The following DLGAP2 variants were observed in gnomAD, a reference collection of about 807,000 sequenced individuals.
The protein encoded by DLGAP2 is disks large-associated protein 2.
DLGAP2 carries 26 observed loss-of-function variants against 100.3 expected under a neutral mutation model. The observed-to-expected ratio is 0.26, with a 90% CI of 0.19 to 0.36. The LOEUF is 0.36. DLGAP2 is among the 10% of genes least tolerant of loss of function. The probability of loss-of-function intolerance (pLI) is 1.00; values close to 1 mark genes in which losing one functional copy is unlikely to be tolerated. For missense variants in DLGAP2, 1,858 were observed against 1,453.2 expected, an observed-to-expected ratio of 1.28 and a Z score of -4.53; for synonymous variants, 886 against 630.1, an observed-to-expected ratio of 1.41 and a Z score of -6.08.
At chr8:1,649,778 G>C (rs954655812) in intron 8 of DLGAP2, among the ~76,000 whole-genome samples, 1 of 152,172 alleles carries the variant, frequency 6.6e-6, no homozygotes, top group Non-Finnish European at 1.5e-5. Context: ...TTAAACGTAA[G>C]TCATGGGAAA....
At chr8:1,382,241 A>C (rs934160934) in intron 3 of DLGAP2, among the ~76,000 whole-genome samples, 1 of 152,218 alleles carries the variant, frequency 6.6e-6, no homozygotes, top group African/African-American at 2.4e-5. Flanking sequence ...CATAAAATAC[A>C]TGTACTGTTT....
At chr8:1,565,249 T>C (rs1242003026) in intron 5 of DLGAP2, among the ~76,000 whole-genome samples, 1 of 152,232 alleles carries the variant, frequency 6.6e-6, no homozygotes, top group Non-Finnish European at 1.5e-5. Context: ...CTCTTTTATT[T>C]GCTTGCAATT....
chr8:1,644,417 G>A (rs1033143561), intron 8 of DLGAP2, among the ~76,000 whole-genome samples: 1 of 152,226 alleles, frequency 6.6e-6, no homozygotes, highest in African/African-American at 2.4e-5. Flanking sequence ...CAGTCTTCCT[G>A]AAATTCTCGC....
At chr8:1,444,771 C>CTTTTTTTT (rs914045708) in intron 3 of DLGAP2, among the ~76,000 whole-genome samples, 27 of 79,850 alleles carry the variant, frequency 3.4e-4, no homozygotes, top group Non-Finnish European at 4.4e-4. Flanking sequence ...CCAGGTCATT[C>CTTTTTTTT]TTTTTTTTTT....
At chr8:1,253,245 G>A (rs548972774) in intron 2 of DLGAP2, among the ~76,000 whole-genome samples, 10 of 152,328 alleles carry the variant, frequency 6.6e-5, no homozygotes, top group South Asian at 4.2e-4. Flanking sequence ...TGTCCACCAC[G>A]CAGGGCTGCA....
chr8:1,005,097 T>A (rs1014546711), intron 2 of DLGAP2, among the ~76,000 whole-genome samples: 1 of 152,206 alleles, frequency 6.6e-6, no homozygotes, highest in Non-Finnish European at 1.5e-5. Flanking sequence ...TGTGGATGGA[T>A]CGTTATTTCC....
chr8:738,062 C>T (rs900413300), intron 1 of DLGAP2: 3 of 281,142 alleles, frequency 1.1e-5, no homozygotes, highest in African/African-American at 6.7e-5. Context: ...CCTGGCCGCG[C>T]TCGGGGGTGC....
At chr8:1,515,301 A>T (rs1474033645) in intron 4 of DLGAP2, among the ~76,000 whole-genome samples, 1 of 152,154 alleles carries the variant, frequency 6.6e-6, no homozygotes, top group African/African-American at 2.4e-5. Flanking sequence ...ACCATCATGG[A>T]GGCATCCTGG....
At chr8:1,375,300 C>T (rs551002566) in intron 3 of DLGAP2, among the ~76,000 whole-genome samples, 2 of 60,042 alleles carry the variant, frequency 3.3e-5, no homozygotes, top group Admixed American at 1.6e-4. Context: ...CACCTCTCCA[C>T]GGCCTCAGAA....
intron 2 of DLGAP2, chr8:1,105,133 G>A (rs1480972897): frequency 6.6e-6 from 1 of 152,210 alleles, no homozygotes; most frequent in Non-Finnish European, 1.5e-5. Flanking sequence ...CAGTGTACAG[G>A]CTCATACTTT....
intron 2 of DLGAP2, among the ~76,000 whole-genome samples, chr8:1,079,605 A>G (rs1442713694): frequency 6.6e-6 from 1 of 152,196 alleles, no homozygotes; most frequent in Non-Finnish European, 1.5e-5. Context: ...TCATGTGTTT[A>G]TCTTAGGAAC....
intron 4 of DLGAP2, among the ~76,000 whole-genome samples, chr8:1,517,633 G>C (rs576159445): frequency 3.9e-5 from 6 of 152,178 alleles, no homozygotes; most frequent in African/African-American, 1.4e-4. Flanking sequence ...GCACACACCT[G>C]CTAAAATGCA....
At chr8:995,135 T>C (rs1010063331) in intron 2 of DLGAP2, among the ~76,000 whole-genome samples, 17 of 152,198 alleles carry the variant, frequency 1.1e-4, no homozygotes, top group African/African-American at 3.6e-4. Context: ...AGACAGTCTT[T>C]TAATTGGGTA....
chr8:965,709 C>G (rs1358161492), intron 2 of DLGAP2, among the ~76,000 whole-genome samples: 17 of 127,354 alleles, frequency 1.3e-4, no homozygotes, highest in East Asian at 4.6e-4. Flanking sequence ...CTCCTGAGCC[C>G]AACCCCCGCG....
At position 1,703,581 on chromosome 8, in the gene DLGAP2, T is replaced by C. The variant is rs1055191175; in HGVS notation, c.*2175T>C. On this transcript the variant is annotated 3_prime_UTR_variant, in exon 15 of 15. Transcript: ENST00000637795. The stretch of plus-strand genomic sequence containing the variant: ...ACTCTGAGTGAAAGGAAATGTAATG[T>C]GGATAAAGGCCCGCCACCTCCTCAC... 3 of 152,262 alleles carry C rather than the reference T, an allele frequency of 2.0e-5. No homozygotes were observed. The highest frequency in any genetic ancestry group is 7.2e-5 in the African/African-American group (3 of 41,468). 9.4% of individuals were successfully genotyped at this position (152,262 alleles called of 1,614,324 possible).
chr8:908,710 G>A (rs771184458), intron 2 of DLGAP2, among the ~76,000 whole-genome samples: 2 of 152,168 alleles, frequency 1.3e-5, no homozygotes, highest in African/African-American at 2.4e-5. Context: ...CAAAGAAATT[G>A]CAAGTCCTGA....
chr8:1,378,979 C>G (rs998933144), intron 3 of DLGAP2, among the ~76,000 whole-genome samples: 2 of 152,246 alleles, frequency 1.3e-5, no homozygotes, highest in Non-Finnish European at 2.9e-5. Flanking sequence ...ATAGGGTCCA[C>G]CACAGCATGT....
intron 2 of DLGAP2, among the ~76,000 whole-genome samples, chr8:1,098,194 G>A (rs113406004): frequency 7.6e-4 from 115 of 152,314 alleles, no homozygotes; most frequent in African/African-American, 2.7e-3. Context: ...GAGTCCCGGC[G>A]TCCTCTGCGT....
At chr8:1,044,448 T>A (rs1802460667) in intron 2 of DLGAP2, among the ~76,000 whole-genome samples, 1 of 152,136 alleles carries the variant, frequency 6.6e-6, no homozygotes, top group African/African-American at 2.4e-5. Flanking sequence ...GGTGAGTTGG[T>A]CTCACCGCAC....
Sources: gnomAD v4.1 joint callset for allele counts (sites outside exome capture counted in the v4.1 genomes callset) on GRCh38, gnomAD v4.1.1 for gene constraint, MANE v1.5 for transcripts, NCBI Gene and HGNC (gene_info 2026-07-23, HGNC 2026-07-21) for gene names.